CCDC82: variants seen among roughly 807,000 people sequenced by gnomAD.
CCDC82 encodes the protein coiled-coil domain containing 82.
CCDC82 carries 47 observed loss-of-function variants against 60.6 expected under a neutral mutation model. The ratio of observed to expected loss-of-function variants is 0.77; its 90% CI spans 0.61 to 0.99. The LOEUF is 0.99. CCDC82 is among the 50% of genes least tolerant of loss of function. The pLI is 0.00. For missense variants in CCDC82, 588 were observed against 633.0 expected, an observed-to-expected ratio of 0.93 and a Z score of 0.76; for synonymous variants, 212 against 207.4, an observed-to-expected ratio of 1.02 and a Z score of -0.19.
intron 8 of CCDC82, 78 bp from the exon 9 acceptor site, chr11:96,359,256 A>T: frequency 9.0e-7 from 1 of 1,108,372 alleles, no homozygotes; most frequent in Middle Eastern, 2.9e-4. Context: ...TTAGTAGTAG[A>T]ATCAAAATGC....
At chr11:96,357,616 C>G (rs1020357460) in intron 9 of CCDC82, 41 of 974,796 alleles carry the variant, frequency 4.2e-5, no homozygotes, top group Non-Finnish European at 4.9e-5. Context: ...ATATATGATA[C>G]TATTATATAA....
intron 7 of CCDC82, among the ~76,000 whole-genome samples, chr11:96,367,075 G>C (rs1021315393): frequency 1.3e-5 from 2 of 152,176 alleles, no homozygotes; most frequent in African/African-American, 4.8e-5. Flanking sequence ...CCAGTGAATA[G>C]GCATCTTTTT....
chr11:96,363,876 T>C (rs1864802226), intron 8 of CCDC82: 1 of 152,192 alleles, frequency 6.6e-6, no homozygotes, highest in Non-Finnish European at 1.5e-5. Context: ...CATTTTCCCA[T>C]ATATTTGTTA....
chr11:96,372,160 C>T (rs561110144), intron 6 of CCDC82, among the ~76,000 whole-genome samples: 7 of 152,096 alleles, frequency 4.6e-5, no homozygotes, highest in Non-Finnish European at 8.8e-5. Flanking sequence ...TTCCTAAAGG[C>T]CTTAGCACCT....
intron 8 of CCDC82, chr11:96,364,332 T>G (rs954160752): frequency 6.6e-6 from 1 of 152,152 alleles, no homozygotes. Flanking sequence ...TCTAAGTCAT[T>G]CTTGCAACCC....
intron 9 of CCDC82, chr11:96,358,567 T>C: frequency 8.1e-7 from 1 of 1,235,854 alleles, no homozygotes. Context: ...GCCGAGATCC[T>C]TTCCTCAGAC....
chr11:96,360,617 T>A (rs1453377945), intron 8 of CCDC82, among the ~76,000 whole-genome samples: 1 of 152,206 alleles, frequency 6.6e-6, no homozygotes, highest in Non-Finnish European at 1.5e-5. Context: ...GTAAACTTCC[T>A]GCTGACTTAA....
intron 9 of CCDC82, 47 bp from the exon 10 acceptor site, chr11:96,353,761 G>A (rs753450406): frequency 7.3e-7 from 1 of 1,362,532 alleles, no homozygotes. Flanking sequence ...AAGCAATGAA[G>A]ACAAACTGGG....
At position 96,353,606 on chromosome 11, in the gene CCDC82, A is replaced by AGTG. The variant is rs767447977; in HGVS notation, c.*39_*40insCAC. ...GAAAAACAAGAATCATGATCTTCAC[A>AGTG]TTTACAGGAATTTAAAAAATCTTCT... On this transcript the variant is annotated 3_prime_UTR_variant, in exon 10 of 10. Transcript: ENST00000646818. 2 of 1,392,590 alleles carry AGTG rather than the reference A, an allele frequency of 1.4e-6. No individual in the cohort carries two copies. The highest frequency in any genetic ancestry group is 2.8e-5 in the African/African-American group (2 of 70,446). 86.3% of individuals were successfully genotyped at this position (1,392,590 alleles called of 1,614,324 possible). A position where few individuals can be genotyped will look rare whatever the true frequency, so the allele number is the denominator to read the frequency against.
intron 5 of CCDC82, among the ~76,000 whole-genome samples, chr11:96,379,919 T>C (rs1004102319): frequency 3.3e-5 from 5 of 151,664 alleles, no homozygotes; most frequent in Admixed American, 2.6e-4. Context: ...AAAATGAAGA[T>C]AGTTGAGGAT....
intron 6 of CCDC82, among the ~76,000 whole-genome samples, chr11:96,372,390 A>G (rs1458880640): frequency 6.6e-6 from 1 of 151,424 alleles, no homozygotes; most frequent in East Asian, 1.9e-4. Flanking sequence ...TTACTCATTT[A>G]TTGTCTGTCT....
At chr11:96,387,780 C>A (rs928229887) in intron 1 of CCDC82, 167 bp from the exon 2 acceptor site, 1 of 152,122 alleles carries the variant, frequency 6.6e-6, no homozygotes, top group East Asian at 1.9e-4. Context: ...TTTTACTGCA[C>A]GAGTTAGGCC....
chr11:96,357,518 C>T, intron 9 of CCDC82: 7 of 985,296 alleles, frequency 7.1e-6, no homozygotes, highest in Non-Finnish European at 8.4e-6. Context: ...TTCCAGGTCC[C>T]TTCTGGTGTC....
At position 96,384,498 on chromosome 11, in the gene CCDC82, C is replaced by T. The variant is rs370464039; in HGVS notation, c.250G>A (p.Glu84Lys). 5 of 1,613,772 alleles carry T rather than the reference C, an allele frequency of 3.1e-6. No individual in the cohort carries two copies. The East Asian group carries it at 1.1e-4, about 36-fold the overall frequency. ...CTTTGAATTTTACTTAAGTTGAGCT[C>T]TCTTTCACTTCCTGGTGTTTTATTA... ...DCNKTPGSER[E>K]LNLSKIQSEG... Residue 84 changes from glutamate to lysine, a missense_variant, in exon 4 of 10, where the codon GAG (glutamate) becomes AAG (lysine). Transcript: ENST00000646818.
At chr11:96,363,176 G>A (rs56101429) in intron 8 of CCDC82, 53,804 of 151,822 alleles carry the variant, frequency 0.35, 9,757 homozygotes, top group Non-Finnish European at 0.39. Context: ...GGATGGTCTC[G>A]ATCTCCTGAC....
chr11:96,377,143 A>G lies in CCDC82; in HGVS notation c.992-3676T>C, dbSNP rs759048585. On this transcript the variant is annotated intron_variant, in intron 5 of 9. Transcript: ENST00000646818. Reference sequence around the variant, plus strand: ...TCTTCTGGAATGGAGATATCAGCCTAGTGTATGAGGCAGAGGCAGAACAAG... The same window carrying G: ...TCTTCTGGAATGGAGATATCAGCCTGGTGTATGAGGCAGAGGCAGAACAAG... 7.5e-4 allele frequency among the ~76,000 whole-genome samples: 114 copies of G among 152,226 alleles called. 3 individuals are homozygous for G. Among genetic ancestry groups the G allele is most frequent in the Non-Finnish European group, 1.5e-4 (10 of 68,028 alleles).
At chr11:96,383,077 G>A (rs1334705424) in intron 5 of CCDC82, 192 bp downstream of exon 5, 4 of 555,072 alleles carry the variant, frequency 7.2e-6, no homozygotes, top group Non-Finnish European at 1.3e-5. Flanking sequence ...GGCGTGTTGG[G>A]GTTAATAATT....
chr11:96,369,850 G>A (rs549781256), intron 7 of CCDC82, among the ~76,000 whole-genome samples: 2 of 152,242 alleles, frequency 1.3e-5, no homozygotes, highest in East Asian at 3.9e-4. Context: ...GCAACAAAAC[G>A]AGGTATGCTT....
chr11:96,371,304 C>G (rs989965460), intron 6 of CCDC82, among the ~76,000 whole-genome samples, 167 bp from the exon 7 acceptor site: 4 of 152,058 alleles, frequency 2.6e-5, no homozygotes, highest in South Asian at 4.1e-4. Context: ...CAGGGTAGGC[C>G]GGGCACGGTG....
Sources: allele counts gnomAD v4.1 joint callset (sites outside exome capture counted in the v4.1 genomes callset), GRCh38; gene constraint gnomAD v4.1.1; transcripts MANE v1.5; gene names NCBI Gene and HGNC (gene_info 2026-07-23, HGNC 2026-07-21).